The following CDH4 variants were observed in gnomAD, a reference collection of about 807,000 sequenced individuals.
CDH4 encodes the protein cadherin 4.
CDH4 carries 33 observed loss-of-function variants against 86.0 expected under a neutral mutation model. That is an observed-to-expected ratio of 0.38 (90% CI 0.29 to 0.51). The LOEUF (loss-of-function observed/expected upper bound fraction) is 0.51, where lower values mean the gene tolerates loss of function less well. Ranked by LOEUF, CDH4 falls within the 20% of genes least tolerant of loss-of-function variation. CDH4 has a pLI of 0.86. For synonymous variants in CDH4, 555 were observed against 549.4 expected (o/e 1.01, Z -0.14); for missense variants, 1,114 against 1,307.4 (o/e 0.85, Z 2.28).
chr20:61,770,153 C>G (rs945695455), intron 3 of CDH4, among the ~76,000 whole-genome samples: 1 of 152,154 alleles, frequency 6.6e-6, no homozygotes, highest in Non-Finnish European at 1.5e-5. Flanking sequence ...GAAAAGCCCC[C>G]GCCCCTTGTC....
intron 2 of CDH4, among the ~76,000 whole-genome samples, chr20:61,347,858 T>A (rs780198394): frequency 7.2e-5 from 11 of 152,228 alleles, no homozygotes; most frequent in Non-Finnish European, 1.5e-4. Context: ...GCATGGCGTT[T>A]GAACCGTGCC....
chr20:61,830,307 A>G (rs186923033), intron 4 of CDH4, among the ~76,000 whole-genome samples: 1 of 152,068 alleles, frequency 6.6e-6, no homozygotes, highest in Non-Finnish European at 1.5e-5. Flanking sequence ...CGTGGAACAT[A>G]CTCAAGTCCA....
intron 2 of CDH4, among the ~76,000 whole-genome samples, chr20:61,383,785 GAAGATATATATGC>G (rs1568823384): frequency 1.7e-5 from 1 of 57,706 alleles, no homozygotes; most frequent in Non-Finnish European, 3.4e-5. Flanking sequence ...GCATATATAT[GAAGATATATATGC>G]ATATATATGA....
chr20:61,477,622 A>G (rs2085546118), intron 2 of CDH4, among the ~76,000 whole-genome samples: 1 of 152,226 alleles, frequency 6.6e-6, no homozygotes. Context: ...GCGCCTCTGC[A>G]TCCTGCGGTT....
chr20:61,377,162 G>A lies in CDH4; in HGVS notation c.169+122225G>A, dbSNP rs540748236. 1.2e-4 allele frequency among the ~76,000 whole-genome samples: 18 copies of A among 152,110 alleles called. No homozygotes were observed. The highest frequency in any genetic ancestry group is 1.8e-4 in the Non-Finnish European group (12 of 68,028). On this transcript the variant is annotated intron_variant, in intron 2 of 15. Transcript: ENST00000614565. The surrounding 1 kb of genome is among the most constrained non-coding windows in gnomAD (Gnocchi z 4.0). ...GTGACATATTCTGCAAGCAGGGCTC[G>A]GCAATTATTGAAGAGTTGGCGGCTC...
intron 4 of CDH4, among the ~76,000 whole-genome samples, chr20:61,816,843 G>A (rs560116853): frequency 2.4e-3 from 362 of 152,252 alleles, no homozygotes; most frequent in African/African-American, 6.5e-3. Flanking sequence ...GAGCTCGCCC[G>A]CATCCCCATC....
In CDH4 at chr20:61,296,141, T is replaced by C. The variant is rs116936150; in HGVS notation, c.169+41204T>C. On this transcript the variant is annotated intron_variant, in intron 2 of 15. Coordinates refer to ENST00000614565, the MANE Select transcript of CDH4 (RefSeq NM_001794.5). Reference sequence around the variant, plus strand: ...CAGATGATCCACACCACATCAAGGGTTGGATGTGCTGGAACTTTAGAGTTG... The same window carrying C: ...CAGATGATCCACACCACATCAAGGGCTGGATGTGCTGGAACTTTAGAGTTG... Among the ~76,000 whole-genome samples, 80 of 151,882 alleles carry C rather than the reference T, an allele frequency of 5.3e-4. 2 individuals carry two copies. In the East Asian group the frequency reaches 0.015, roughly 28 times the overall value.
chr20:61,851,457 C>T (rs1008861939), intron 5 of CDH4, among the ~76,000 whole-genome samples: 1 of 152,174 alleles, frequency 6.6e-6, no homozygotes, highest in African/African-American at 2.4e-5. Context: ...GGAGTGGCAG[C>T]GGCCATGTGA....
At chr20:61,677,878 A>AGATGATAGATG (rs1357956855) in intron 2 of CDH4, among the ~76,000 whole-genome samples, 1 of 90,634 alleles carries the variant, frequency 1.1e-5, no homozygotes, top group Non-Finnish European at 2.3e-5. Context: ...GATGATGGAT[A>AGATGATAGATG]GATGATGGAT....
intron 2 of CDH4, among the ~76,000 whole-genome samples, chr20:61,673,333 A>G (rs1365463831): frequency 2.0e-5 from 3 of 152,186 alleles, no homozygotes; most frequent in African/African-American, 7.2e-5. Context: ...AAGGAATCCA[A>G]GGACAGCTCA....
At chr20:61,818,165 G>A (rs73917526) in intron 4 of CDH4, among the ~76,000 whole-genome samples, 6,124 of 152,266 alleles carry the variant, frequency 0.04, 191 homozygotes, top group African/African-American at 0.087. Context: ...AAGTAGCTGG[G>A]ACTATAGGTA....
At chr20:61,906,959 C>A (rs905797652) in intron 8 of CDH4, among the ~76,000 whole-genome samples, 40 of 152,098 alleles carry the variant, frequency 2.6e-4, no homozygotes, top group Admixed American at 1.4e-3. Context: ...GGCCTTGAGT[C>A]CTCCACCAGC....
At chr20:61,836,346 G>A (rs1263664748) in intron 4 of CDH4, among the ~76,000 whole-genome samples, 1 of 152,238 alleles carries the variant, frequency 6.6e-6, no homozygotes, top group Admixed American at 6.5e-5. Context: ...GCATTTTTGA[G>A]AAGGAGCTAA....
At chr20:61,743,245 C>T (rs963058091) in intron 2 of CDH4, among the ~76,000 whole-genome samples, 4 of 152,194 alleles carry the variant, frequency 2.6e-5, no homozygotes, top group East Asian at 1.9e-4. Flanking sequence ...CCCACTGTGC[C>T]GCTCACAGAC....
intron 2 of CDH4, among the ~76,000 whole-genome samples, chr20:61,443,412 C>T (rs928084989): frequency 6.6e-6 from 1 of 152,176 alleles, no homozygotes; most frequent in South Asian, 2.1e-4. Flanking sequence ...GTTGTCAGTA[C>T]CGGCAGTGAA....
At chr20:61,327,950 C>T (rs1237369936) in intron 2 of CDH4, among the ~76,000 whole-genome samples, 1 of 152,118 alleles carries the variant, frequency 6.6e-6, no homozygotes, top group Non-Finnish European at 1.5e-5. Context: ...CGGATCTTAA[C>T]GTGAACAAAG....
chr20:61,736,447 C>T (rs1018815140), intron 2 of CDH4, among the ~76,000 whole-genome samples: 1 of 152,204 alleles, frequency 6.6e-6, no homozygotes, highest in Non-Finnish European at 1.5e-5. Flanking sequence ...CTCACAGAAC[C>T]TGTGTCTTCC....
intron 4 of CDH4, among the ~76,000 whole-genome samples, chr20:61,836,183 G>T (rs1019961339): frequency 3.3e-5 from 5 of 152,180 alleles, no homozygotes; most frequent in African/African-American, 1.2e-4. Flanking sequence ...GAGGCACGTC[G>T]GTTGTATTCC....
chr20:61,775,505 G>A (rs1160230853), intron 4 of CDH4, among the ~76,000 whole-genome samples: 2 of 152,252 alleles, frequency 1.3e-5, no homozygotes, highest in African/African-American at 4.8e-5. Flanking sequence ...TCGCTGTGGT[G>A]TGAAAGCAGT....
Sources: allele counts gnomAD v4.1 joint callset (sites outside exome capture counted in the v4.1 genomes callset), GRCh38; gene constraint gnomAD v4.1.1; non-coding constraint Gnocchi (gnomAD v3.1); transcripts MANE v1.5; gene names NCBI Gene and HGNC (gene_info 2026-07-23, HGNC 2026-07-21).